Variants in TMEM63C observed in about 807,000 individuals in gnomAD.
The protein encoded by TMEM63C is transmembrane protein 63C.
A neutral mutation model predicts 99.2 loss-of-function variants in TMEM63C; 32 were observed. That is an observed-to-expected ratio of 0.32 (90% CI 0.24 to 0.43). The LOEUF (loss-of-function observed/expected upper bound fraction) is 0.43. Among genes scored for constraint, TMEM63C ranks in the 20% least tolerant of loss-of-function variants. The probability of loss-of-function intolerance (pLI) is 1.00; values close to 1 mark genes in which losing one functional copy is unlikely to be tolerated. For synonymous variants in TMEM63C, 376 were observed against 397.9 expected, an observed-to-expected ratio of 0.94 and a Z score of 0.66; for missense variants, 826 against 1,053.0, an observed-to-expected ratio of 0.78 and a Z score of 2.98.
At chr14:77,202,799 A>G (rs960408466) in intron 1 of TMEM63C, among the ~76,000 whole-genome samples, 2 of 151,622 alleles carry the variant, frequency 1.3e-5, no homozygotes, top group Non-Finnish European at 2.9e-5. Flanking sequence ...TCCCAAACAC[A>G]TAGCTACAGA....
intron 1 of TMEM63C, among the ~76,000 whole-genome samples, chr14:77,196,801 A>T (rs55945908): frequency 6.6e-6 from 1 of 152,222 alleles, no homozygotes; most frequent in Non-Finnish European, 1.5e-5. Flanking sequence ...TGAACATCTC[A>T]GAGGAATCAG....
chr14:77,197,210 G>T (rs138826147), intron 1 of TMEM63C, among the ~76,000 whole-genome samples: 3,591 of 152,328 alleles, frequency 0.024, 80 homozygotes, highest in Admixed American at 0.041. Flanking sequence ...CCTGCATGGG[G>T]TGTTGGCCAA....
rs1555347250 is a variant in TMEM63C at position 77,215,614 on chromosome 14, A to AAGAAAGAAAAGAAAAGAAAAGAAAAG, written c.-14+2107_-14+2108insGAAAGAAAAGAAAAGAAAAGAAAAGA. 2.2e-4 allele frequency among the ~76,000 whole-genome samples: 17 copies of AAGAAAGAAAAGAAAAGAAAAGAAAAG among 76,550 alleles called. No individual in the cohort carries two copies. In the South Asian group the frequency reaches 2.4e-3, roughly 11 times the overall value. The allele number at this position is 76,550 out of a possible 152,430, so 50.2% of individuals were successfully genotyped here. On this transcript the variant is annotated intron_variant, in intron 2 of 23. Transcript: ENST00000298351. Reference sequence around the variant, plus strand: ...AGACTCTGTCTCAAAAAAAAAAAAAAAAAAGAAAAGAAAAGAAAAAGAAAC... The same window carrying AAGAAAGAAAAGAAAAGAAAAGAAAAG: ...AGACTCTGTCTCAAAAAAAAAAAAAAAGAAAGAAAAGAAAAGAAAAGAAAAGAAAAGAAAAGAAAAGAAAAAGAAAC...
At chr14:77,227,991 G>C (rs1449947519) in intron 6 of TMEM63C, among the ~76,000 whole-genome samples, 1 of 152,170 alleles carries the variant, frequency 6.6e-6, no homozygotes, top group South Asian at 2.1e-4. Flanking sequence ...ACTTGAGCCT[G>C]GTTGTAGTTT....
intron 14 of TMEM63C, 61 bp from the exon 15 acceptor site, chr14:77,242,842 A>G: frequency 1.3e-6 from 2 of 1,599,620 alleles, no homozygotes; most frequent in South Asian, 2.2e-5. Flanking sequence ...TGCAGCAAAC[A>G]GCACGTGGGC....
chr14:77,225,341 T>C, intron 5 of TMEM63C, 83 bp from the exon 6 acceptor site: 2 of 1,404,636 alleles, frequency 1.4e-6, no homozygotes, highest in East Asian at 2.5e-5. Context: ...CTGCCTCAGA[T>C]GACCTGGCCG....
At chr14:77,233,045 T>A (rs1181209887) in intron 7 of TMEM63C, among the ~76,000 whole-genome samples, 1 of 152,214 alleles carries the variant, frequency 6.6e-6, no homozygotes, top group Non-Finnish European at 1.5e-5. Context: ...ACCGTCAAAC[T>A]AATGCACATA....
intron 15 of TMEM63C, 40 bp from the exon 16 acceptor site, chr14:77,244,309 A>C (rs764823392): frequency 6.9e-7 from 1 of 1,457,502 alleles, no homozygotes; most frequent in Admixed American, 1.7e-5. Flanking sequence ...GGATGCTTGC[A>C]TTGACGTCTC....
chr14:77,221,339 C>T (rs1158229086), intron 5 of TMEM63C, among the ~76,000 whole-genome samples: 1 of 66,782 alleles, frequency 1.5e-5, no homozygotes, highest in Non-Finnish European at 2.6e-5. Flanking sequence ...CTCCCACTCA[C>T]GCCCCCTCCC....
At chr14:77,240,448 A>G (rs1889147386) in intron 12 of TMEM63C, 27 bp from the exon 13 acceptor site, 2 of 1,598,606 alleles carry the variant, frequency 1.3e-6, no homozygotes, top group Non-Finnish European at 1.7e-6. Context: ...CTCTGGCCCC[A>G]GCCCTGAAGG....
chr14:77,232,056 A>G (rs1057370041), intron 7 of TMEM63C, among the ~76,000 whole-genome samples: 3 of 152,074 alleles, frequency 2.0e-5, no homozygotes, highest in Non-Finnish European at 1.5e-5. Context: ...CACTGCAAAG[A>G]TCCCTGAACC....
chr14:77,208,053 G>T (rs1888434157), intron 1 of TMEM63C, among the ~76,000 whole-genome samples: 1 of 152,134 alleles, frequency 6.6e-6, no homozygotes, highest in Non-Finnish European at 1.5e-5. Context: ...ACCTCTCTGG[G>T]CCTGAAATTC....
At chr14:77,187,871 A>G (rs1260522600) in intron 1 of TMEM63C, among the ~76,000 whole-genome samples, 2 of 152,212 alleles carry the variant, frequency 1.3e-5, no homozygotes, top group African/African-American at 2.4e-5. Flanking sequence ...TCTTGGAGTA[A>G]GCCCAACCCA....
intron 2 of TMEM63C, among the ~76,000 whole-genome samples, chr14:77,218,122 G>C (rs910318551): frequency 6.6e-6 from 1 of 151,944 alleles, no homozygotes; most frequent in South Asian, 2.1e-4. Context: ...ATGCTCGAAA[G>C]GATGGATACC....
chr14:77,225,710 T>C (rs1241269931), intron 6 of TMEM63C, among the ~76,000 whole-genome samples: 2 of 152,190 alleles, frequency 1.3e-5, no homozygotes, highest in Non-Finnish European at 2.9e-5. Flanking sequence ...TTTTAATAGC[T>C]GAATCATTAC....
chr14:77,240,954 TTTTTTTTTC>T, intron 13 of TMEM63C, among the ~76,000 whole-genome samples: 2 of 142,244 alleles, frequency 1.4e-5, no homozygotes, highest in African/African-American at 5.2e-5. Flanking sequence ...TTTCTTTTTT[TTTTTTTTTC>T]TTTTTTTGAG....
Position 77,248,788 on chromosome 14 carries a change from T to C in TMEM63C, c.1786T>C (p.Phe596Leu). The change falls in exon 20 of 24, where the codon TTT becomes CTT. Residue 596 changes from phenylalanine (F) to leucine (L), a missense_variant. Transcript: ENST00000298351. ...CCAGAACCAGGCCATAGACTTCCAGTTTGGGCGTGAGTATGCGTGGATGAT... is the reference window on the plus strand; with the variant it reads ...CCAGAACCAGGCCATAGACTTCCAGCTTGGGCGTGAGTATGCGTGGATGAT... The part of the protein sequence containing the change: ...IRKNQAIDFQ[F>L]GREYAWMMNV... 1.9e-6 allele frequency: 3 copies of C among 1,614,004 alleles called. No individual in the cohort carries two copies. The highest frequency in any genetic ancestry group is 2.5e-6 in the Non-Finnish European group (3 of 1,179,880).
chr14:77,230,729 C>A (rs557588357), intron 6 of TMEM63C, among the ~76,000 whole-genome samples: 61 of 152,152 alleles, frequency 4.0e-4, no homozygotes, highest in African/African-American at 1.4e-3. Flanking sequence ...TCTGCCCCCC[C>A]ACCACCCCAC....
chr14:77,206,348 G>T (rs1888401816), intron 1 of TMEM63C, among the ~76,000 whole-genome samples: 1 of 152,202 alleles, frequency 6.6e-6, no homozygotes, highest in Admixed American at 6.5e-5. Context: ...ACTTGATGCT[G>T]TAGTCAGCAC....
Sources: gnomAD v4.1 joint callset for allele counts (sites outside exome capture counted in the v4.1 genomes callset) on GRCh38, gnomAD v4.1.1 for gene constraint, MANE v1.5 for transcripts, NCBI Gene and HGNC (gene_info 2026-07-23, HGNC 2026-07-21) for gene names.